Variants in MAD1L1 observed in about 807,000 individuals in gnomAD.
The protein encoded by MAD1L1 is mitotic arrest deficient 1 like 1, also known as mitotic spindle assembly checkpoint protein MAD1.
In MAD1L1, 95 loss-of-function variants were observed where a neutral mutation model predicts 96.9. That is an observed-to-expected ratio of 0.98 (90% CI 0.83 to 1.16). The LOEUF (loss-of-function observed/expected upper bound fraction) is 1.16. Among genes scored for constraint, MAD1L1 ranks in the 50% most tolerant of loss-of-function variants. The pLI, the probability that MAD1L1 is intolerant of heterozygous loss-of-function variation, is 0.00. For missense variants in MAD1L1, 1,007 were observed against 954.4 expected (o/e 1.06, Z -0.73); for synonymous variants, 473 against 396.6 (o/e 1.19, Z -2.29).
chr7:2,003,386 C>T (rs1781891480), intron 13 of MAD1L1, among the ~76,000 whole-genome samples: 1 of 152,144 alleles, frequency 6.6e-6, no homozygotes, highest in African/African-American at 2.4e-5. Context: ...CCTGGGGACA[C>T]AGCCTGGGGA....
intron 11 of MAD1L1, chr7:2,107,627 G>A (rs73038477): frequency 0.027 from 4,143 of 152,474 alleles, 98 homozygotes; most frequent in South Asian, 0.091. Context: ...CCCAGCCCCC[G>A]GCTGCCCTCA....
intron 12 of MAD1L1, among the ~76,000 whole-genome samples, chr7:2,025,081 T>C (rs1291651569): frequency 6.6e-6 from 1 of 152,194 alleles, no homozygotes; most frequent in Non-Finnish European, 1.5e-5. Context: ...CTGTAACAAA[T>C]ATACCACAGT....
At chr7:2,004,769 T>C (rs377402933) in intron 13 of MAD1L1, among the ~76,000 whole-genome samples, 8 of 152,216 alleles carry the variant, frequency 5.3e-5, no homozygotes, top group African/African-American at 1.7e-4. Context: ...GACAAGTTCA[T>C]TCACAAGCGG....
At chr7:2,214,731 TCA>T (rs1051280672) in intron 9 of MAD1L1, among the ~76,000 whole-genome samples, 1 of 152,174 alleles carries the variant, frequency 6.6e-6, no homozygotes, top group African/African-American at 2.4e-5. Flanking sequence ...TCTCTGAACC[TCA>T]GTTTCCTCCT....
At chr7:2,187,099 A>C (rs993794934) in intron 10 of MAD1L1, among the ~76,000 whole-genome samples, 1 of 152,010 alleles carries the variant, frequency 6.6e-6, no homozygotes, top group Non-Finnish European at 1.5e-5. Flanking sequence ...GGCCATCAAA[A>C]CTATTTTCAT....
rs1785090086 is a variant in MAD1L1 at position 1,871,434 on chromosome 7, C to A, written c.1998+26766G>T. ...CAACATACGCCTGCCAAGCTGAACCCACCGTAACACCTGCCACGCTGAACC... is the reference window on the plus strand; with the variant it reads ...CAACATACGCCTGCCAAGCTGAACCAACCGTAACACCTGCCACGCTGAACC... On this transcript the variant is annotated intron_variant, in intron 18 of 18. Transcript: ENST00000265854. 1.4e-5 allele frequency among the ~76,000 whole-genome samples: 2 copies of A among 147,042 alleles called. 1 individual carries two copies. The highest frequency in any genetic ancestry group is 4.5e-4 in the South Asian group (2 of 4,460).
At chr7:2,145,593 G>A (rs945000290) in intron 11 of MAD1L1, among the ~76,000 whole-genome samples, 3 of 152,258 alleles carry the variant, frequency 2.0e-5, no homozygotes, top group African/African-American at 7.2e-5. Context: ...CTAACTCCGA[G>A]ATATGGTGTC....
chr7:2,166,165 C>T (rs1350068103), intron 10 of MAD1L1, among the ~76,000 whole-genome samples: 3 of 152,178 alleles, frequency 2.0e-5, no homozygotes, highest in Non-Finnish European at 2.9e-5. Flanking sequence ...GAGGGGATCC[C>T]GCCGCAGCCC....
chr7:1,915,444 G>C (rs372716958), intron 17 of MAD1L1, among the ~76,000 whole-genome samples: 16 of 152,278 alleles, frequency 1.1e-4, no homozygotes, highest in African/African-American at 3.6e-4. Flanking sequence ...GCCAGGGGAC[G>C]GCGCAGGCAG....
rs1783436087 is a variant in MAD1L1, at chr7:1,844,004, G to A, written c.1999-27776C>T. 2.0e-5 allele frequency among the ~76,000 whole-genome samples: 3 copies of A among 150,884 alleles called. No homozygotes were observed. In the South Asian group the frequency reaches 6.2e-4, roughly 31 times the overall value. ...AGCACACACTCAGGATGTGAGTGGG[G>A]CCGGGAAGGGCAGCAAGTGGAGCCT... On this transcript the variant is annotated intron_variant, in intron 18 of 18. Transcript: ENST00000265854.
chr7:1,857,968 T>C (rs774675254), intron 18 of MAD1L1, among the ~76,000 whole-genome samples: 33 of 152,240 alleles, frequency 2.2e-4, no homozygotes, highest in Non-Finnish European at 3.8e-4. Context: ...GTCCCTTGGC[T>C]GTGGCCCACG....
rs138684873 is a variant in MAD1L1 at position 2,127,555 on chromosome 7, C to A, written c.1073+21597G>T. 8.5e-5 allele frequency among the ~76,000 whole-genome samples: 13 copies of A among 152,180 alleles called. No individual in the cohort carries two copies. In the East Asian group the frequency reaches 2.3e-3, roughly 27 times the overall value. On this transcript the variant is annotated intron_variant, in intron 11 of 18. Coordinates refer to ENST00000265854, the MANE Select transcript of MAD1L1 (RefSeq NM_001013836.2). ...AGACCAAGGTCCAGACGTCAGGAAC[C>A]TGGTGTAGGTGGGCAATGAGGGAGC... is the stretch of plus-strand genomic sequence containing the variant.
chr7:1,871,135 ACGCC>A, intron 18 of MAD1L1, among the ~76,000 whole-genome samples: 1 of 146,378 alleles, frequency 6.8e-6, no homozygotes, highest in African/African-American at 2.6e-5. Flanking sequence ...AACCCAACAT[ACGCC>A]TGCCACGCTG....
chr7:2,129,125 G>C (rs965678547), intron 11 of MAD1L1, among the ~76,000 whole-genome samples: 1 of 152,196 alleles, frequency 6.6e-6, no homozygotes, highest in Non-Finnish European at 1.5e-5. Flanking sequence ...GAGCCAGCTG[G>C]AAGGGGCAGG....
chr7:1,950,655 ACCT>A (rs1316504362), intron 16 of MAD1L1, among the ~76,000 whole-genome samples: 2 of 151,828 alleles, frequency 1.3e-5, no homozygotes, highest in Admixed American at 1.3e-4. Context: ...TGCAGCTCTC[ACCT>A]CCTCCCCTGC....
At chr7:2,032,923 CA>C (rs1375942699) in intron 12 of MAD1L1, among the ~76,000 whole-genome samples, 1 of 152,232 alleles carries the variant, frequency 6.6e-6, no homozygotes, top group African/African-American at 2.4e-5. Flanking sequence ...GTGCATGGGG[CA>C]GGGGGGCAAG....
intron 10 of MAD1L1, among the ~76,000 whole-genome samples, chr7:2,186,577 G>A (rs1020850948): frequency 1.3e-5 from 2 of 152,196 alleles, no homozygotes; most frequent in African/African-American, 4.8e-5. Context: ...CTTTAATTCT[G>A]TACTGTTTGA....
chr7:1,854,416 AAC>A (rs763620641), intron 18 of MAD1L1: 13 of 458,182 alleles, frequency 2.8e-5, no homozygotes, highest in Middle Eastern at 6.5e-4. Context: ...GTGGCTCGTA[AAC>A]AGAGTTCACT....
intron 18 of MAD1L1, among the ~76,000 whole-genome samples, chr7:1,824,766 G>C (rs987409452): frequency 2.0e-5 from 3 of 151,724 alleles, no homozygotes; most frequent in African/African-American, 7.3e-5. Context: ...TTTTTGTCTT[G>C]AGGCTGTCAG....
Sources: allele counts gnomAD v4.1 joint callset (sites outside exome capture counted in the v4.1 genomes callset), GRCh38; gene constraint gnomAD v4.1.1; transcripts MANE v1.5; gene names NCBI Gene and HGNC (gene_info 2026-07-23, HGNC 2026-07-21).